Variants in MRPS27 observed in about 807,000 individuals in gnomAD.
MRPS27 encodes mitochondrial ribosomal protein S27, also known as small ribosomal subunit protein mS27.
A neutral mutation model predicts 48.9 loss-of-function variants in MRPS27; 43 were observed. The observed-to-expected ratio is 0.88, with a 90% CI of 0.69 to 1.13. The LOEUF (loss-of-function observed/expected upper bound fraction) is 1.13. MRPS27 is among the 50% of genes most tolerant of loss of function. The probability of loss-of-function intolerance (pLI) is 0.00; values close to 1 mark genes in which losing one functional copy is unlikely to be tolerated. For synonymous variants in MRPS27, 188 were observed against 171.9 expected, an observed-to-expected ratio of 1.09 and a Z score of -0.73; for missense variants, 467 against 476.3, an observed-to-expected ratio of 0.98 and a Z score of 0.18.
chr5:72,242,680 A>G (rs1748390196), intron 4 of MRPS27, among the ~76,000 whole-genome samples: 1 of 150,748 alleles, frequency 6.6e-6, no homozygotes, highest in Non-Finnish European at 1.5e-5. Flanking sequence ...ACACACACAC[A>G]CACACACACA....
chr5:72,282,578 A>C (rs1749558702), intron 4 of MRPS27, among the ~76,000 whole-genome samples: 1 of 152,192 alleles, frequency 6.6e-6, no homozygotes, highest in Non-Finnish European at 1.5e-5. Context: ...ACATATTCTT[A>C]TGTGAAATTT....
intron 4 of MRPS27, among the ~76,000 whole-genome samples, chr5:72,265,865 G>C (rs1749096068): frequency 6.6e-6 from 1 of 152,184 alleles, no homozygotes; most frequent in Non-Finnish European, 1.5e-5. Flanking sequence ...ACTTCAGGTA[G>C]ACCTATGACA....
intron 5 of MRPS27, among the ~76,000 whole-genome samples, chr5:72,236,625 T>C (rs1484091657): frequency 6.6e-6 from 1 of 152,148 alleles, no homozygotes; most frequent in Non-Finnish European, 1.5e-5. Flanking sequence ...GTCATCTTGA[T>C]TGGACTTATC....
intron 3 of MRPS27, 79 bp from the exon 4 acceptor site, chr5:72,295,668 A>T (rs1749959091): frequency 9.7e-7 from 1 of 1,031,726 alleles, no homozygotes; most frequent in Non-Finnish European, 1.5e-6. Context: ...TCACACATTG[A>T]CCTTAGAAAA....
intron 1 of MRPS27, among the ~76,000 whole-genome samples, chr5:72,318,460 A>G (rs1024326462): frequency 2.6e-5 from 4 of 152,240 alleles, no homozygotes; most frequent in Non-Finnish European, 5.9e-5. Context: ...AGTCAGGACA[A>G]TATCTAGATC....
intron 10 of MRPS27, among the ~76,000 whole-genome samples, chr5:72,221,914 CA>C (rs200943093): frequency 0.24 from 36,874 of 152,158 alleles, 5,767 homozygotes; most frequent in Non-Finnish European, 0.35. Context: ...GTATTAAAAA[CA>C]TTAATCTATT....
intron 3 of MRPS27, among the ~76,000 whole-genome samples, chr5:72,296,725 A>G (rs1749992193): frequency 6.6e-6 from 1 of 152,250 alleles, no homozygotes; most frequent in Non-Finnish European, 1.5e-5. Flanking sequence ...AAAGGCAGAA[A>G]GAAAGGACCA....
chr5:72,302,052 T>C (rs1750139079), intron 2 of MRPS27, among the ~76,000 whole-genome samples: 1 of 152,256 alleles, frequency 6.6e-6, no homozygotes, highest in South Asian at 2.1e-4. Flanking sequence ...CAGATGGTTG[T>C]GGACAACAGA....
At position 72,223,739 on chromosome 5, in the gene MRPS27, A is replaced by T. The variant is rs769716487; in HGVS notation, c.949T>A (p.Leu317Ile). 6.2e-7 allele frequency: 1 copy of T among 1,613,996 alleles called. No individual in the cohort carries two copies. The highest frequency in any genetic ancestry group is 1.7e-5 in the Admixed American group (1 of 60,018). The stretch of plus-strand genomic sequence containing the variant: ...GACTGCTCTGTTTCCTCGATGTCTA[A>T]CTGCTCCACCAGTTTTTCTGACCCC... ...NQGSEKLVEQ[L>I]DIEETEQSKL... The change falls in exon 10 of 11, where the codon TTA (leucine) becomes ATA (isoleucine). Residue 317 changes from leucine (L) to isoleucine (I), a missense_variant. Transcript: ENST00000261413.
chr5:72,292,167 C>T (rs938059480), intron 4 of MRPS27, among the ~76,000 whole-genome samples: 2 of 139,728 alleles, frequency 1.4e-5, no homozygotes, highest in Admixed American at 6.9e-5. Context: ...ATCACTTTTA[C>T]TCTTGGTTTA....
chr5:72,297,774 G>T, intron 2 of MRPS27, 72 bp from the exon 3 acceptor site: 1 of 866,230 alleles, frequency 1.2e-6, no homozygotes, highest in Non-Finnish European at 1.7e-6. Context: ...CCAGATGGCT[G>T]CCAACATGAA....
chr5:72,223,565 T>C lies in MRPS27; in HGVS notation c.1005+118A>G, dbSNP rs1255829980. 6 of 1,225,562 alleles carry C rather than the reference T, an allele frequency of 4.9e-6. No homozygotes were observed. The East Asian group carries it at 7.1e-5, about 14-fold the overall frequency. The allele number at this position is 1,225,562 out of a possible 1,614,324, so 75.9% of individuals were successfully genotyped here. A position where few individuals can be genotyped will look rare whatever the true frequency, so the allele number is the denominator to read the frequency against. On this transcript the variant is annotated intron_variant, in intron 10 of 10. Transcript: ENST00000261413. Reference sequence around the variant, plus strand: ...AAAGCAATAAAAATGTAATTTTTGATGTCAGTTTTTAATGCCTCTTTGTGT... The same window carrying C: ...AAAGCAATAAAAATGTAATTTTTGACGTCAGTTTTTAATGCCTCTTTGTGT...
intron 3 of MRPS27, among the ~76,000 whole-genome samples, chr5:72,296,478 C>T (rs548363440): frequency 1.3e-5 from 2 of 152,262 alleles, no homozygotes; most frequent in South Asian, 2.1e-4. Flanking sequence ...CTTGGTTGCT[C>T]CATCTGCATA....
At chr5:72,320,031 C>A (rs967066429) in intron 1 of MRPS27, 118 bp downstream of exon 1, 3 of 1,062,806 alleles carry the variant, frequency 2.8e-6, no homozygotes, top group South Asian at 1.4e-5. Context: ...ACCAAACACC[C>A]CAAATGGCGT....
At chr5:72,319,943 T>G in intron 1 of MRPS27, 1 of 613,424 alleles carries the variant, frequency 1.6e-6, no homozygotes, top group South Asian at 2.0e-5. Flanking sequence ...TCCACTGCTC[T>G]TCGTACCTTT....
At chr5:72,307,100 T>A (rs1210046347) in intron 2 of MRPS27, among the ~76,000 whole-genome samples, 1 of 152,046 alleles carries the variant, frequency 6.6e-6, no homozygotes, top group Non-Finnish European at 1.5e-5. Context: ...ACGCCTGTAA[T>A]CCCAGCACTT....
chr5:72,268,958 G>C (rs1252872600), intron 4 of MRPS27, among the ~76,000 whole-genome samples: 2 of 152,168 alleles, frequency 1.3e-5, no homozygotes, highest in African/African-American at 4.8e-5. Context: ...TCCACTTAAG[G>C]AAGCCCATTA....
intron 6 of MRPS27, among the ~76,000 whole-genome samples, chr5:72,233,876 T>G (rs979453964): frequency 5.9e-5 from 9 of 152,190 alleles, no homozygotes; most frequent in African/African-American, 2.2e-4. Context: ...GAAATTAGAT[T>G]GGCCTGTATA....
intron 4 of MRPS27, among the ~76,000 whole-genome samples, chr5:72,257,390 C>T (rs907852960): frequency 2.6e-5 from 4 of 152,126 alleles, no homozygotes; most frequent in Admixed American, 2.6e-4. Context: ...TTACAGATTC[C>T]TTCCTCCCTA....
Sources: allele counts gnomAD v4.1 joint callset (sites outside exome capture counted in the v4.1 genomes callset), GRCh38; gene constraint gnomAD v4.1.1; transcripts MANE v1.5; gene names NCBI Gene and HGNC (gene_info 2026-07-23, HGNC 2026-07-21).